The following DNAH14 variants were observed in gnomAD, a reference collection of about 807,000 sequenced individuals.
DNAH14 encodes axonemal beta dynein heavy chain 14.
In DNAH14, 478 loss-of-function variants were observed where a neutral mutation model predicts 520.9. The ratio of observed to expected loss-of-function variants is 0.92; its 90% CI spans 0.85 to 0.99. DNAH14 has a LOEUF of 0.99. Among genes scored for constraint, DNAH14 ranks in the 50% least tolerant of loss-of-function variants. DNAH14 has a pLI of 0.00. For synonymous variants in DNAH14, 1,581 were observed against 1,757.2 expected, an observed-to-expected ratio of 0.90 and a Z score of 2.51; for missense variants, 4,831 against 5,234.5, an observed-to-expected ratio of 0.92 and a Z score of 2.38.
intron 10 of DNAH14, among the ~76,000 whole-genome samples, chr1:225,009,824 T>C (rs750360586): frequency 5.3e-5 from 8 of 151,652 alleles, no homozygotes; most frequent in Non-Finnish European, 8.9e-5. Flanking sequence ...CCTTCACATC[T>C]CTTGTAAGTT....
At chr1:224,989,749 T>G (rs1425200217) in intron 8 of DNAH14, among the ~76,000 whole-genome samples, 1 of 152,204 alleles carries the variant, frequency 6.6e-6, no homozygotes, top group Non-Finnish European at 1.5e-5. Context: ...CCTATTTTTC[T>G]GAGAGTTTTT....
intron 8 of DNAH14, among the ~76,000 whole-genome samples, chr1:224,977,481 G>A (rs1558576348): frequency 6.6e-6 from 1 of 151,952 alleles, no homozygotes; most frequent in Non-Finnish European, 1.5e-5. Context: ...AAAACTTAAA[G>A]TATAATAATA....
intron 76 of DNAH14, among the ~76,000 whole-genome samples, chr1:225,365,938 T>C (rs958650844): frequency 6.6e-6 from 1 of 152,250 alleles, no homozygotes; most frequent in Non-Finnish European, 1.5e-5. Flanking sequence ...CATAAAACTT[T>C]ATGGGAGTTT....
At position 225,346,173 on chromosome 1, in the gene DNAH14, C is replaced by CCTAGA; in HGVS notation, c.10893_10897dup (p.Trp3633Ter). 1 of 1,551,634 alleles carries CCTAGA rather than the reference C, an allele frequency of 6.4e-7. No homozygotes were observed. Among genetic ancestry groups the CCTAGA allele is most frequent in the Admixed American group, 2.0e-5 (1 of 50,986 alleles). On this transcript the variant is annotated frameshift_variant, in exon 70 of 86. Transcript: ENST00000682510. LOFTEE classifies it high-confidence loss of function. The stretch of plus-strand genomic sequence containing the variant: ...AAATCAACTACATGTACCAGTTCTC[C>CCTAGA]CTAGACTGGTTTCATCAGGTTTTTG...
chr1:225,163,969 C>CT (rs1174093307), intron 35 of DNAH14, among the ~76,000 whole-genome samples: 5 of 152,084 alleles, frequency 3.3e-5, no homozygotes, highest in African/African-American at 1.2e-4. Flanking sequence ...AATAAATGGT[C>CT]TTTTTTTAGT....
rs186990985 is a variant in DNAH14, at chr1:225,336,643, A to G, written c.10081-623A>G. On this transcript the variant is annotated intron_variant, in intron 66 of 85. Transcript: ENST00000682510. ...GAGAATATATAGAGCACTGTAGCCT[A>G]TACCTGCAGCTGACACGTTATATGC... Among the ~76,000 whole-genome samples, 619 of 152,322 alleles carry G rather than the reference A, an allele frequency of 4.1e-3. 1 individual carries two copies. Among genetic ancestry groups the G allele is most frequent in the Non-Finnish European group, 6.3e-3 (429 of 68,014 alleles).
At position 225,392,483 on chromosome 1, in the gene DNAH14, G is replaced by C. The variant is rs910365500; in HGVS notation, c.13491+32G>C. 5.8e-6 allele frequency: 9 copies of C among 1,548,874 alleles called. No homozygotes were observed. In the Admixed American group the frequency reaches 7.9e-5, roughly 14 times the overall value. On this transcript the variant is annotated intron_variant, in intron 84 of 85. Transcript: ENST00000682510. ...GAATACTTCAAGGATTAGAAACGGTGATCATTCATTCATTCATTTATTCAT... is the reference window on the plus strand; with the variant it reads ...GAATACTTCAAGGATTAGAAACGGTCATCATTCATTCATTCATTTATTCAT...
intron 17 of DNAH14, among the ~76,000 whole-genome samples, chr1:225,078,996 C>A (rs758078050): frequency 6.6e-6 from 1 of 151,916 alleles, no homozygotes; most frequent in Non-Finnish European, 1.5e-5. Flanking sequence ...TCTTCTACAG[C>A]CTATGGAACT....
intron 42 of DNAH14, among the ~76,000 whole-genome samples, chr1:225,237,154 A>G (rs938710170): frequency 1.4e-4 from 21 of 152,042 alleles, no homozygotes. Context: ...TAATCCTGTC[A>G]TCATAATGCT....
intron 83 of DNAH14, 102 bp downstream of exon 83, chr1:225,389,975 A>C (rs1575159728): frequency 9.4e-7 from 1 of 1,058,462 alleles, no homozygotes. Context: ...GGATGACAAC[A>C]CCTGCGCCTC....
chr1:225,334,788 G>C (rs888038158), intron 66 of DNAH14, among the ~76,000 whole-genome samples: 1 of 151,758 alleles, frequency 6.6e-6, no homozygotes, highest in African/African-American at 2.4e-5. Context: ...AGGATCGCTT[G>C]AGCCCAGGAG....
Position 225,105,635 on chromosome 1 carries a change from T to A in DNAH14, c.3867+4751T>A, listed in dbSNP as rs570853763. On this transcript the variant is annotated intron_variant, in intron 23 of 85. Coordinates refer to ENST00000682510, the MANE Select transcript of DNAH14 (RefSeq NM_001367479.1). ...TTGTTGAATTGATCCTTTTACCATT[T>A]TGTAATGGCCTTCTTTGTCTCCTTT... 3.9e-3 allele frequency among the ~76,000 whole-genome samples: 588 copies of A among 152,178 alleles called. 5 individuals are homozygous for A. The highest frequency in any genetic ancestry group is 0.013 in the African/African-American group (553 of 41,532).
At chr1:225,151,428 G>A (rs571663841) in intron 31 of DNAH14, among the ~76,000 whole-genome samples, 1 of 152,242 alleles carries the variant, frequency 6.6e-6, no homozygotes, top group Admixed American at 6.5e-5. Context: ...CCCAGGTTTT[G>A]TCCCAATTGT....
In DNAH14 at chr1:225,254,516, A is replaced by G. The variant is rs58574001; in HGVS notation, c.6865+2099A>G. Among the ~76,000 whole-genome samples the G allele has an allele frequency of 5.0e-3, 764 of 152,292 alleles. 6 individuals carry two copies. The highest frequency in any genetic ancestry group is 0.017 in the African/African-American group (721 of 41,570). On this transcript the variant is annotated intron_variant, in intron 44 of 85. Coordinates refer to ENST00000682510, the MANE Select transcript of DNAH14 (RefSeq NM_001367479.1). ...GACCATGTGCTGTAACTCTAGGGAA[A>G]GTGGCTGGAAGATCAAAACGTTGGT... is the stretch of plus-strand genomic sequence containing the variant.
At chr1:225,273,693 G>C (rs992238031) in intron 52 of DNAH14, among the ~76,000 whole-genome samples, 2 of 152,184 alleles carry the variant, frequency 1.3e-5, no homozygotes, top group African/African-American at 4.8e-5. Flanking sequence ...ACTGTCCACT[G>C]TCTTGATACC....
Position 225,140,902 on chromosome 1 carries a change from T to C in DNAH14, c.4389T>C (p.Ser1463=), listed in dbSNP as rs952006970. Reference sequence around the variant, plus strand: ...CAGACCTGGTAGTGCTGGATACTAGTAACTCTCGAACAAAAGCTATACTAG... The same window carrying C: ...CAGACCTGGTAGTGCTGGATACTAGCAACTCTCGAACAAAAGCTATACTAG... ...EVADLVVLDT[S]NSRTKAILGA... The change falls in exon 28 of 86, where the codon AGT becomes AGC. Residue 1463 remains serine, a synonymous_variant. Transcript: ENST00000682510. 1 of 1,551,402 alleles carries C rather than the reference T, an allele frequency of 6.4e-7. No homozygotes were observed. Among genetic ancestry groups the C allele is most frequent in the Non-Finnish European group, 8.7e-7 (1 of 1,146,930 alleles).
chr1:225,037,893 G>C (rs542073317), intron 11 of DNAH14, among the ~76,000 whole-genome samples: 43 of 152,250 alleles, frequency 2.8e-4, no homozygotes, highest in African/African-American at 1.0e-3. Flanking sequence ...TGTTGGTCAG[G>C]CTGGTCTCCC....
At chr1:224,959,461 T>C (rs1394984799) in intron 3 of DNAH14, among the ~76,000 whole-genome samples, 1 of 152,162 alleles carries the variant, frequency 6.6e-6, no homozygotes, top group Non-Finnish European at 1.5e-5. Flanking sequence ...TTTGTAATTA[T>C]CGTGTCTTTT....
At chr1:225,053,255 G>A (rs1256411197) in intron 17 of DNAH14, among the ~76,000 whole-genome samples, 2 of 151,978 alleles carry the variant, frequency 1.3e-5, no homozygotes, top group African/African-American at 4.8e-5. Flanking sequence ...CTGACATCAC[G>A]AAATGGGGAC....
Sources: gnomAD v4.1 joint callset for allele counts (sites outside exome capture counted in the v4.1 genomes callset) on GRCh38, gnomAD v4.1.1 for gene constraint, MANE v1.5 for transcripts, NCBI Gene and HGNC (gene_info 2026-07-23, HGNC 2026-07-21) for gene names.